LANCL2: variants seen among roughly 807,000 people sequenced by gnomAD.
LANCL2 encodes the protein LanC like glutathione S-transferase 2, also known as lanC-like protein 2.
Under a neutral mutation model 56.9 loss-of-function variants are expected in LANCL2, and 33 were observed. That is an observed-to-expected ratio of 0.58 (90% CI 0.44 to 0.78). The LOEUF (loss-of-function observed/expected upper bound fraction) is 0.78. Ranked by LOEUF, LANCL2 falls within the 30% of genes least tolerant of loss-of-function variation. The pLI, the probability that LANCL2 is intolerant of heterozygous loss-of-function variation, is 0.00. For synonymous variants in LANCL2, 233 were observed against 228.2 expected, an observed-to-expected ratio of 1.02 and a Z score of -0.19; for missense variants, 562 against 580.2, an observed-to-expected ratio of 0.97 and a Z score of 0.32.
intron 1 of LANCL2, among the ~76,000 whole-genome samples, chr7:55,387,770 A>G (rs146892888): frequency 6.6e-6 from 1 of 152,318 alleles, no homozygotes; most frequent in East Asian, 1.9e-4. Context: ...CGTTTATGAC[A>G]TACTTGGACT....
intron 6 of LANCL2, among the ~76,000 whole-genome samples, chr7:55,415,333 T>TGCCC (rs1033707526): frequency 1.6e-4 from 25 of 152,330 alleles, no homozygotes; most frequent in African/African-American, 5.5e-4. Flanking sequence ...TCACTGCTTG[T>TGCCC]GCCCACACGC....
chr7:55,407,280 G>A (rs1486538570), intron 5 of LANCL2, among the ~76,000 whole-genome samples: 2 of 152,216 alleles, frequency 1.3e-5, no homozygotes, highest in Non-Finnish European at 2.9e-5. Context: ...CCATGGTCCA[G>A]GGTGAGACTG....
intron 3 of LANCL2, among the ~76,000 whole-genome samples, chr7:55,399,616 T>G (rs1265164333): frequency 1.3e-5 from 2 of 152,208 alleles, no homozygotes; most frequent in African/African-American, 4.8e-5. Flanking sequence ...GTGCTGGGAT[T>G]ATAGGCGTGA....
chr7:55,402,945 A>G (rs1267193937), intron 5 of LANCL2, among the ~76,000 whole-genome samples: 1 of 149,972 alleles, frequency 6.7e-6, no homozygotes, highest in Non-Finnish European at 1.5e-5. Flanking sequence ...GATGCTCCTC[A>G]CTTTCCAGAC....
rs199809284 is a variant in LANCL2 at position 55,395,915 on chromosome 7, T to C, written c.323-2508T>C. Among the ~76,000 whole-genome samples the C allele has an allele frequency of 6.6e-5, 10 of 152,372 alleles. No homozygotes were observed. In the East Asian group the frequency reaches 1.7e-3, roughly 26 times the overall value. On this transcript the variant is annotated intron_variant, in intron 2 of 8. Coordinates refer to ENST00000254770, the MANE Select transcript of LANCL2 (RefSeq NM_018697.4). ...ATAGAGGTGCTCACACACACCTAGA[T>C]TGTGTAGCCAACTACACCCCTGTGC...
intron 1 of LANCL2, among the ~76,000 whole-genome samples, chr7:55,382,665 G>A (rs920218668): frequency 6.6e-6 from 1 of 152,030 alleles, no homozygotes; most frequent in African/African-American, 2.4e-5. Flanking sequence ...TTCCTGGGTG[G>A]GATCACAGAA....
At chr7:55,379,242 C>T (rs1583743707) in intron 1 of LANCL2, among the ~76,000 whole-genome samples, 1 of 152,216 alleles carries the variant, frequency 6.6e-6, no homozygotes, top group African/African-American at 2.4e-5. Context: ...CATGATAGAG[C>T]TAAGACGGCA....
intron 3 of LANCL2, 67 bp from the exon 4 acceptor site, chr7:55,399,890 G>T: frequency 7.8e-7 from 1 of 1,283,552 alleles, no homozygotes. Context: ...AAGCAACAGG[G>T]TTAGTGTTTC....
At chr7:55,387,051 T>A (rs937861382) in intron 1 of LANCL2, among the ~76,000 whole-genome samples, 9 of 152,210 alleles carry the variant, frequency 5.9e-5, no homozygotes, top group African/African-American at 1.9e-4. Flanking sequence ...GGGTTTTTTT[T>A]AAAGCCAGTT....
intron 1 of LANCL2, among the ~76,000 whole-genome samples, chr7:55,377,018 A>G (rs1045529210): frequency 5.9e-5 from 9 of 152,214 alleles, no homozygotes; most frequent in East Asian, 1.9e-4. Context: ...TAATATGCCA[A>G]TTATATTATG....
chr7:55,405,974 T>A, intron 5 of LANCL2, among the ~76,000 whole-genome samples: 1 of 152,174 alleles, frequency 6.6e-6, no homozygotes, highest in African/African-American at 2.4e-5. Context: ...GAACTACGAT[T>A]CAGAAATGTG....
At chr7:55,376,799 G>A (rs1790008310) in intron 1 of LANCL2, among the ~76,000 whole-genome samples, 1 of 152,172 alleles carries the variant, frequency 6.6e-6, no homozygotes, top group South Asian at 2.1e-4. Context: ...AACATTTTGG[G>A]GAGTACCCAG....
chr7:55,386,886 T>A (rs1414160269), intron 1 of LANCL2, among the ~76,000 whole-genome samples: 2 of 152,174 alleles, frequency 1.3e-5, no homozygotes, highest in Non-Finnish European at 2.9e-5. Flanking sequence ...AGAAAGGGAC[T>A]TGTTAGAGAT....
At chr7:55,375,383 A>G (rs4948017) in intron 1 of LANCL2, among the ~76,000 whole-genome samples, 134,031 of 152,260 alleles carry the variant, frequency 0.88, 59,243 homozygotes, top group African/African-American at 0.91. Flanking sequence ...TGCCCATGGC[A>G]TTCTCCTAAA....
At chr7:55,394,728 T>A (rs568851266) in intron 2 of LANCL2, among the ~76,000 whole-genome samples, 15 of 152,210 alleles carry the variant, frequency 9.9e-5, no homozygotes, top group African/African-American at 3.6e-4. Flanking sequence ...CATGGCTGAA[T>A]CACTCCGACC....
chr7:55,408,402 C>T (rs370345784), intron 5 of LANCL2, among the ~76,000 whole-genome samples: 19 of 152,124 alleles, frequency 1.2e-4, no homozygotes, highest in African/African-American at 4.6e-4. Flanking sequence ...CGCAGTGGCT[C>T]ATGCCTGTAA....
At chr7:55,424,645 A>G (rs1790642843) in intron 6 of LANCL2, among the ~76,000 whole-genome samples, 1 of 152,228 alleles carries the variant, frequency 6.6e-6, no homozygotes, top group African/African-American at 2.4e-5. Flanking sequence ...AAACCGTGAA[A>G]CAGAAGGAGG....
intron 5 of LANCL2, among the ~76,000 whole-genome samples, chr7:55,402,176 T>C (rs1790339006): frequency 2.0e-5 from 3 of 149,624 alleles, no homozygotes; most frequent in South Asian, 2.1e-4. Context: ...GAGGGGCTCC[T>C]CACTTCCCAG....
intron 6 of LANCL2, among the ~76,000 whole-genome samples, chr7:55,424,762 C>T (rs912706203): frequency 1.3e-5 from 2 of 152,202 alleles, no homozygotes; most frequent in Non-Finnish European, 2.9e-5. Context: ...TGAGCAGCAG[C>T]GAGCAAGCGA....
Sources: gnomAD v4.1 joint callset for allele counts (sites outside exome capture counted in the v4.1 genomes callset) on GRCh38, gnomAD v4.1.1 for gene constraint, MANE v1.5 for transcripts, NCBI Gene and HGNC (gene_info 2026-07-23, HGNC 2026-07-21) for gene names.